The following AKAP19 variants were observed in gnomAD, a reference collection of about 807,000 sequenced individuals.
The protein encoded by AKAP19 is small A-kinase anchoring protein.
the AKAP19 span, among the ~76,000 whole-genome samples, chr2:190,075,403 G>C: frequency 2.4e-4 from 36 of 152,204 alleles, no homozygotes; most frequent in African/African-American, 8.4e-4. Context: ...AGTCAGGTTT[G>C]TTTAAGTTCT....
At chr2:189,973,261 G>T in the AKAP19 span, among the ~76,000 whole-genome samples, 2 of 152,028 alleles carry the variant, frequency 1.3e-5, no homozygotes, top group Non-Finnish European at 2.9e-5. Flanking sequence ...TTTGTCTTTA[G>T]TTCTGTTTAT....
At chr2:190,007,774 A>T in the AKAP19 span, among the ~76,000 whole-genome samples, 2 of 152,170 alleles carry the variant, frequency 1.3e-5, no homozygotes, top group Admixed American at 6.5e-5. Context: ...CAGCCGGGGC[A>T]ACATGGTGAA....
At chr2:189,944,856 C>A in the AKAP19 span, among the ~76,000 whole-genome samples, 1 of 152,156 alleles carries the variant, frequency 6.6e-6, no homozygotes, top group South Asian at 2.1e-4. Context: ...ATAAAACAAT[C>A]TCAACAAATT....
the AKAP19 span, among the ~76,000 whole-genome samples, chr2:190,191,157 A>G: frequency 6.6e-6 from 1 of 151,980 alleles, no homozygotes; most frequent in African/African-American, 2.4e-5. Context: ...TTATTTTTTG[A>G]GATGGAGTCT....
the AKAP19 span, among the ~76,000 whole-genome samples, chr2:190,123,107 A>G: frequency 6.6e-6 from 1 of 152,228 alleles, no homozygotes; most frequent in South Asian, 2.1e-4. Flanking sequence ...CCCCCCACAC[A>G]CACACTAAAT....
chr2:189,946,487 T>A, the AKAP19 span, among the ~76,000 whole-genome samples: 1 of 152,186 alleles, frequency 6.6e-6, no homozygotes, highest in African/African-American at 2.4e-5. Context: ...ACCCTAGTTT[T>A]AAAAACAAGT....
the AKAP19 span, among the ~76,000 whole-genome samples, chr2:190,093,487 G>A: frequency 6.6e-6 from 1 of 152,166 alleles, no homozygotes; most frequent in East Asian, 1.9e-4. Context: ...AATGTATAGG[G>A]CAAGAATCAG....
At chr2:190,148,864 C>T in the AKAP19 span, among the ~76,000 whole-genome samples, 9 of 151,576 alleles carry the variant, frequency 5.9e-5, no homozygotes, top group African/African-American at 2.2e-4. Flanking sequence ...TCTCCTGTTT[C>T]GTTTCTTAGT....
chr2:190,021,666 C>A, the AKAP19 span, among the ~76,000 whole-genome samples: 3 of 152,178 alleles, frequency 2.0e-5, no homozygotes, highest in Non-Finnish European at 4.4e-5. Context: ...AAGGTCCTGG[C>A]CATTTCTGTC....
chr2:189,910,675 A>G, the AKAP19 span, among the ~76,000 whole-genome samples: 3 of 152,024 alleles, frequency 2.0e-5, no homozygotes, highest in African/African-American at 7.2e-5. Flanking sequence ...GATAATCAGT[A>G]TTTAAAACTA....
chr2:190,048,191 A>T, the AKAP19 span, among the ~76,000 whole-genome samples: 1 of 152,228 alleles, frequency 6.6e-6, no homozygotes, highest in Non-Finnish European at 1.5e-5. Context: ...ATTATGTTTT[A>T]GATCTAAGAA....
chr2:190,047,878 G>A, the AKAP19 span, among the ~76,000 whole-genome samples: 312 of 152,274 alleles, frequency 2.0e-3, 2 homozygotes, highest in South Asian at 0.011. Context: ...TGCAGTCATG[G>A]AAGAAAGGTA....
chr2:190,039,567 A>G, the AKAP19 span, among the ~76,000 whole-genome samples: 1 of 152,156 alleles, frequency 6.6e-6, no homozygotes, highest in Non-Finnish European at 1.5e-5. Context: ...AAGGTTTGTT[A>G]CATAGGTAAA....
At chr2:189,960,661 A>G in the AKAP19 span, among the ~76,000 whole-genome samples, 1 of 152,162 alleles carries the variant, frequency 6.6e-6, no homozygotes, top group African/African-American at 2.4e-5. Context: ...AGCTTCTTTA[A>G]TTTGTGGCAG....
At chr2:189,881,028 G>A in the AKAP19 span, among the ~76,000 whole-genome samples, 7 of 152,004 alleles carry the variant, frequency 4.6e-5, no homozygotes, top group African/African-American at 1.5e-4. Flanking sequence ...CATGACATAC[G>A]TGAGCACACA....
At chr2:190,124,914 CA>C in the AKAP19 span, among the ~76,000 whole-genome samples, 2 of 151,806 alleles carry the variant, frequency 1.3e-5, no homozygotes, top group Admixed American at 1.3e-4. Context: ...AAATCGAAGA[CA>C]AAAACACACA....
At chr2:190,029,197 C>T in the AKAP19 span, among the ~76,000 whole-genome samples, 12 of 152,106 alleles carry the variant, frequency 7.9e-5, no homozygotes, top group African/African-American at 2.9e-4. Flanking sequence ...GGATTACAGG[C>T]ATGCACCACC....
chr2:190,192,452 C>CTGTGTCTGTGTGTG, the AKAP19 span, among the ~76,000 whole-genome samples: 2 of 145,258 alleles, frequency 1.4e-5, no homozygotes, highest in African/African-American at 5.1e-5. Flanking sequence ...AATTCAGAAT[C>CTGTGTCTGTGTGTG]TGTGTGTGTG....
chr2:189,886,100 T>G, the AKAP19 span, among the ~76,000 whole-genome samples: 80 of 152,310 alleles, frequency 5.3e-4, no homozygotes, highest in Non-Finnish European at 7.6e-4. Context: ...TAAGTCACTG[T>G]GCCCAGCCTA....
Sources: allele counts gnomAD v4.1 joint callset (sites outside exome capture counted in the v4.1 genomes callset), GRCh38; gene constraint gnomAD v4.1.1; transcripts MANE v1.5; gene names NCBI Gene and HGNC (gene_info 2026-07-23, HGNC 2026-07-21).